The following JMJD1C variants were observed in gnomAD, a reference collection of about 807,000 sequenced individuals.
JMJD1C encodes jumonji domain containing 1C, also known as jumonji domain-containing protein 1C.
In JMJD1C, 31 loss-of-function variants were observed where a neutral mutation model predicts 245.3. The observed-to-expected ratio is 0.13, with a 90% CI of 0.09 to 0.17. JMJD1C has a LOEUF of 0.17. JMJD1C is among the 10% of genes least tolerant of loss of function. The pLI, the probability that JMJD1C is intolerant of heterozygous loss-of-function variation, is 1.00. For synonymous variants in JMJD1C, 1,057 were observed against 1,017.4 expected (o/e 1.04, Z -0.74); for missense variants, 2,691 against 3,000.2 (o/e 0.90, Z 2.41).
At chr10:63,187,235 G>A (rs1319362852) in intron 18 of JMJD1C, among the ~76,000 whole-genome samples, 4 of 151,828 alleles carry the variant, frequency 2.6e-5, no homozygotes, top group South Asian at 2.1e-4. Context: ...TAATATATAC[G>A]ACTTTAAAAA....
chr10:63,354,630 C>G (rs1008548029), intron 2 of JMJD1C, among the ~76,000 whole-genome samples: 4 of 151,198 alleles, frequency 2.6e-5, no homozygotes, highest in African/African-American at 9.7e-5. Context: ...TTTATATTTA[C>G]TTTTTTATTA....
chr10:63,298,796 A>C (rs1335371850), intron 2 of JMJD1C, among the ~76,000 whole-genome samples: 1 of 152,128 alleles, frequency 6.6e-6, no homozygotes, highest in Non-Finnish European at 1.5e-5. Context: ...GCAATGGTAC[A>C]ACCTCGGCTC....
intron 1 of JMJD1C, among the ~76,000 whole-genome samples, chr10:63,443,381 G>C (rs1349202751): frequency 6.6e-6 from 1 of 152,124 alleles, no homozygotes; most frequent in Non-Finnish European, 1.5e-5. Flanking sequence ...GCAGCATCTT[G>C]GCTCACTGCA....
rs1418619816 is a variant in JMJD1C, at chr10:63,215,017, A to T, written c.1150T>A (p.Ser384Thr). Residue 384 changes from serine to threonine, a missense_variant, in exon 8 of 26, where the codon TCA becomes ACA. Physicochemically the swap from Ser to Thr is moderately conservative, Grantham distance 58 (BLOSUM62 1). Coordinates refer to ENST00000399262, the MANE Select transcript of JMJD1C (RefSeq NM_032776.3). Reference sequence around the variant, plus strand: ...GAATTATCTATTATTCTCTTATTTGAATTTTCTGAGTCACTGCTCTCAGAA... The same window carrying T: ...GAATTATCTATTATTCTCTTATTTGTATTTTCTGAGTCACTGCTCTCAGAA... ...DFSESSDSEN[S>T]NKRIIDNSSE... is the part of the protein sequence containing the mutation. 5.0e-6 allele frequency: 8 copies of T among 1,603,062 alleles called. No individual in the cohort carries two copies. Among genetic ancestry groups the T allele is most frequent in the Admixed American group, 1.7e-5 (1 of 59,128 alleles).
At chr10:63,169,383 T>C (rs1200391917) in intron 24 of JMJD1C, among the ~76,000 whole-genome samples, 1 of 152,180 alleles carries the variant, frequency 6.6e-6, no homozygotes, top group Non-Finnish European at 1.5e-5. Context: ...TGTTTCTAGA[T>C]TGTCTTCTAG....
chr10:63,390,409 T>C (rs887015680), intron 1 of JMJD1C, among the ~76,000 whole-genome samples: 2 of 150,814 alleles, frequency 1.3e-5, no homozygotes, highest in Non-Finnish European at 3.0e-5. Flanking sequence ...AAAAGAAGAG[T>C]TCAGGATCAG....
At chr10:63,426,602 CG>C (rs1405357113) in intron 1 of JMJD1C, among the ~76,000 whole-genome samples, 2 of 151,938 alleles carry the variant, frequency 1.3e-5, no homozygotes, top group Admixed American at 1.3e-4. Context: ...ACCCAGGAGG[CG>C]GAAGTTGCAG....
At chr10:63,459,470 AT>A (rs2076565253) in intron 1 of JMJD1C, among the ~76,000 whole-genome samples, 1 of 152,238 alleles carries the variant, frequency 6.6e-6, no homozygotes, top group African/African-American at 2.4e-5. Flanking sequence ...GTGAGGAGTT[AT>A]GGCACACTTC....
intron 1 of JMJD1C, among the ~76,000 whole-genome samples, chr10:63,505,827 AC>A (rs1483622914): frequency 1.8e-5 from 2 of 113,048 alleles, no homozygotes; most frequent in African/African-American, 3.4e-5. Context: ...CACAGTACCC[AC>A]CCCCCATCAA....
At chr10:63,184,108 G>A (rs919535079) in intron 21 of JMJD1C, among the ~76,000 whole-genome samples, 2 of 151,484 alleles carry the variant, frequency 1.3e-5, no homozygotes, top group African/African-American at 2.4e-5. Flanking sequence ...TCTATTTTTA[G>A]TAGAGATGGG....
chr10:63,182,395 C>T (rs564003146), intron 22 of JMJD1C, among the ~76,000 whole-genome samples: 8 of 152,168 alleles, frequency 5.3e-5, no homozygotes, highest in South Asian at 4.2e-4. Context: ...TATCCAAATA[C>T]GTGTGAGTGA....
At chr10:63,222,685 T>C (rs369473306) in intron 3 of JMJD1C, 9 of 1,541,802 alleles carry the variant, frequency 5.8e-6, no homozygotes, top group African/African-American at 2.7e-5. Flanking sequence ...ATTCATTTGA[T>C]GGTACCAAAG....
intron 22 of JMJD1C, 123 bp downstream of exon 22, chr10:63,183,324 T>C (rs1157705389): frequency 2.5e-6 from 2 of 798,954 alleles, no homozygotes; most frequent in African/African-American, 3.6e-5. Flanking sequence ...AAAATGCCCC[T>C]ACATCCATTG....
chr10:63,321,344 ATAGG>A, intron 2 of JMJD1C, among the ~76,000 whole-genome samples: 1 of 152,350 alleles, frequency 6.6e-6, no homozygotes, highest in African/African-American at 2.4e-5. Context: ...AGTCAGAAGT[ATAGG>A]TGACAACCTA....
At chr10:63,201,424 T>C (rs1589132302) in intron 10 of JMJD1C, among the ~76,000 whole-genome samples, 3 of 152,260 alleles carry the variant, frequency 2.0e-5, no homozygotes, top group Middle Eastern at 3.4e-3. Context: ...GACAAAACTC[T>C]AATGCATTAT....
At position 63,498,058 on chromosome 10, in the gene JMJD1C, C is replaced by T. The variant is rs80094614; in HGVS notation, n.113+23680G>A. 3.3e-3 allele frequency among the ~76,000 whole-genome samples: 502 copies of T among 152,200 alleles called. 4 individuals carry two copies. Among genetic ancestry groups the T allele is most frequent in the African/African-American group, 0.011 (470 of 41,548 alleles). ...AGAAGATACCTATCAAAGAGTGATA[C>T]GGTCTCTGTAATAAAAATATCACGA... is the stretch of plus-strand genomic sequence containing the variant. On this transcript the variant is annotated intron_variant and non_coding_transcript_variant, in intron 1 of 3. Coordinates refer to the JMJD1C transcript ENST00000633035.
chr10:63,264,636 T>A lies in JMJD1C; in HGVS notation c.447+15A>T, dbSNP rs1395640757. 1 of 1,116,482 alleles carries A rather than the reference T, an allele frequency of 9.0e-7. No homozygotes were observed. The highest frequency in any genetic ancestry group is 2.5e-5 in the East Asian group (1 of 40,406). The allele number at this position is 1,116,482 out of a possible 1,614,324, so 69.2% of individuals were successfully genotyped here. A position where few individuals can be genotyped will look rare whatever the true frequency, so the allele number is the denominator to read the frequency against. Reference sequence around the variant, plus strand: ...ATTAACCTTTAATTTTAAAAAGTAATCTAAAATTTCTTACCTGGTAGGGCT... The same window carrying A: ...ATTAACCTTTAATTTTAAAAAGTAAACTAAAATTTCTTACCTGGTAGGGCT... On this transcript the variant is annotated intron_variant, in intron 3 of 25. Transcript: ENST00000399262.
chr10:63,278,151 C>T (rs1164795024), intron 2 of JMJD1C, among the ~76,000 whole-genome samples: 1 of 151,930 alleles, frequency 6.6e-6, no homozygotes, highest in Non-Finnish European at 1.5e-5. Flanking sequence ...CAATGAAATA[C>T]AGGCTGGATG....
intron 1 of JMJD1C, among the ~76,000 whole-genome samples, chr10:63,502,061 C>T (rs1301373878): frequency 6.6e-6 from 1 of 152,036 alleles, no homozygotes; most frequent in East Asian, 1.9e-4. Context: ...CAAATGGCTA[C>T]CAAGGAAATA....
Sources: allele counts gnomAD v4.1 joint callset (sites outside exome capture counted in the v4.1 genomes callset), GRCh38; gene constraint gnomAD v4.1.1; transcripts MANE v1.5; gene names NCBI Gene and HGNC (gene_info 2026-07-23, HGNC 2026-07-21).